The following HFM1 variants were observed in gnomAD, a reference collection of about 807,000 sequenced individuals.
HFM1 encodes the protein probable ATP-dependent DNA helicase HFM1.
A neutral mutation model predicts 192.1 loss-of-function variants in HFM1; 169 were observed. The ratio of observed to expected loss-of-function variants is 0.88; its 90% CI spans 0.78 to 1.00. HFM1 has a LOEUF of 1.00. Ranked by LOEUF, HFM1 falls within the 50% of genes least tolerant of loss-of-function variation. HFM1 has a pLI of 0.00. For synonymous variants in HFM1, 525 were observed against 537.8 expected, an observed-to-expected ratio of 0.98 and a Z score of 0.33; for missense variants, 1,661 against 1,668.0, an observed-to-expected ratio of 1.00 and a Z score of 0.07.
At chr1:91,282,067 TTAAG>T (rs1378446252) in intron 30 of HFM1, among the ~76,000 whole-genome samples, 13 of 152,240 alleles carry the variant, frequency 8.5e-5, no homozygotes, top group African/African-American at 2.2e-4. Context: ...CTAACTAGCA[TTAAG>T]TAAGACTTTT....
intron 5 of HFM1, 61 bp from the exon 6 acceptor site, chr1:91,385,295 A>G (rs919227445): frequency 4.0e-6 from 4 of 988,970 alleles, no homozygotes; most frequent in East Asian, 5.1e-5. Flanking sequence ...GTCAGAAGCT[A>G]GGACCTGAAA....
intron 6 of HFM1, among the ~76,000 whole-genome samples, chr1:91,383,725 T>A (rs1661830729): frequency 6.6e-6 from 1 of 152,186 alleles, no homozygotes; most frequent in African/African-American, 2.4e-5. Context: ...ATTGAGTCAC[T>A]AATTATATAT....
At chr1:91,377,169 T>C (rs1216125393) in intron 11 of HFM1, among the ~76,000 whole-genome samples, 1 of 151,906 alleles carries the variant, frequency 6.6e-6, no homozygotes, top group African/African-American at 2.4e-5. Context: ...GCTTCCTACA[T>C]GTGTAAAGAT....
rs531849231 is a variant in HFM1, at chr1:91,289,169, C to T, written c.3392-12107G>A. ...ATGGGGCAGCCAGTCAGAGACGCTC[C>T]TCACCTCCCAGACGGGGTGGTGGCG... On this transcript the variant is annotated intron_variant, in intron 30 of 38. Coordinates refer to ENST00000370425, the MANE Select transcript of HFM1 (RefSeq NM_001017975.6). 6.4e-4 allele frequency among the ~76,000 whole-genome samples: 96 copies of T among 151,074 alleles called. 1 individual carries two copies. The highest frequency in any genetic ancestry group is 2.3e-3 in the African/African-American group (95 of 41,016).
intron 30 of HFM1, among the ~76,000 whole-genome samples, chr1:91,291,415 T>C (rs1360023371): frequency 6.6e-6 from 1 of 152,136 alleles, no homozygotes; most frequent in East Asian, 1.9e-4. Context: ...CAGATAATAC[T>C]ACAAACACCT....
chr1:91,326,001 C>T (rs948826048), intron 20 of HFM1, among the ~76,000 whole-genome samples: 2 of 151,760 alleles, frequency 1.3e-5, no homozygotes, highest in African/African-American at 2.4e-5. Context: ...AACAGCAACA[C>T]TGATCAAGCA....
At chr1:91,300,073 T>C (rs1355797478) in intron 30 of HFM1, among the ~76,000 whole-genome samples, 2 of 151,866 alleles carry the variant, frequency 1.3e-5, no homozygotes, top group Non-Finnish European at 2.9e-5. Context: ...AAGAATCAAA[T>C]AGACACAATA....
chr1:91,292,004 C>T (rs1668821995), intron 30 of HFM1, among the ~76,000 whole-genome samples: 1 of 152,170 alleles, frequency 6.6e-6, no homozygotes, highest in South Asian at 2.1e-4. Context: ...TTCAACAACA[C>T]TTCATGCTAA....
At chr1:91,371,816 G>C (rs932329780) in intron 13 of HFM1, among the ~76,000 whole-genome samples, 15 of 152,132 alleles carry the variant, frequency 9.9e-5, no homozygotes, top group African/African-American at 3.4e-4. Context: ...CAGAATGGGA[G>C]AAAATTTTTG....
rs746208498 is a variant in HFM1, at chr1:91,319,406, A to G, written c.2583-16T>C. The G allele has an allele frequency of 2.0e-6, 3 of 1,510,764 alleles. No homozygotes were observed. Among genetic ancestry groups the G allele is most frequent in the Non-Finnish European group, 2.8e-6 (3 of 1,086,360 alleles). The allele number at this position is 1,510,764 out of a possible 1,614,324, so 93.6% of individuals were successfully genotyped here. ...CTGAATAAGACTGGGGGAAAGAAAA[A>G]AAATTGTTACTCCCTTTTAAGGGTT... On this transcript the variant is annotated splice_polypyrimidine_tract_variant and intron_variant, in intron 23 of 38. Transcript: ENST00000370425.
At chr1:91,263,151 T>C (rs945478023) in intron 36 of HFM1, among the ~76,000 whole-genome samples, 1 of 152,064 alleles carries the variant, frequency 6.6e-6, no homozygotes, top group Admixed American at 6.5e-5. Context: ...TAAAAACAAA[T>C]ATATAAATAA....
chr1:91,380,194 C>G lies in HFM1; in HGVS notation c.916G>C (p.Gly306Arg). The change falls in exon 8 of 39, where the codon GGT (glycine) becomes CGT (arginine). Residue 306 changes from glycine to arginine, a missense_variant. Gly to Arg is a moderately radical substitution (Grantham distance 125). Coordinates refer to ENST00000370425, the MANE Select transcript of HFM1 (RefSeq NM_001017975.6). ...DRNFVICAPT[G>R]SGKTVVFELA... The stretch of plus-strand genomic sequence containing the variant: ...TCAAACACTACAGTTTTTCCAGAAC[C>G]AGTTGGAGCACAAATCACAAAATTC... 3 of 1,577,494 alleles carry G rather than the reference C, an allele frequency of 1.9e-6. No individual in the cohort carries two copies. The highest frequency in any genetic ancestry group is 2.6e-6 in the Non-Finnish European group (3 of 1,156,560).
At chr1:91,264,359 GTA>G (rs1214182116) in intron 36 of HFM1, among the ~76,000 whole-genome samples, 2 of 54,042 alleles carry the variant, frequency 3.7e-5, no homozygotes, top group East Asian at 6.0e-4. Context: ...CACAAATTTA[GTA>G]TTTTTTTTTT....
At position 91,343,411 on chromosome 1, in the gene HFM1, G is replaced by A. The variant is rs774203388; in HGVS notation, c.2335+19C>T. 1.6e-5 allele frequency: 19 copies of A among 1,197,102 alleles called. No individual in the cohort carries two copies. In the Middle Eastern group the frequency reaches 9.5e-4, roughly 60 times the overall value. 74.2% of individuals were successfully genotyped at this position (1,197,102 alleles called of 1,614,324 possible). On this transcript the variant is annotated intron_variant, in intron 20 of 38. Transcript: ENST00000370425. ...TAAGTAAACAATTGCTAAATTTACTGACAATGATAAGAAATTACCAGTTGG... is the reference window on the plus strand; with the variant it reads ...TAAGTAAACAATTGCTAAATTTACTAACAATGATAAGAAATTACCAGTTGG...
chr1:91,314,908 T>A (rs1650979858), intron 28 of HFM1, among the ~76,000 whole-genome samples: 1 of 152,226 alleles, frequency 6.6e-6, no homozygotes, highest in African/African-American at 2.4e-5. Context: ...GATATCCTGG[T>A]CACTGCAGTC....
At chr1:91,381,993 T>C (rs964345344) in intron 6 of HFM1, among the ~76,000 whole-genome samples, 1 of 152,136 alleles carries the variant, frequency 6.6e-6, no homozygotes, top group East Asian at 1.9e-4. Flanking sequence ...TGCCACTCCC[T>C]CCCCGCATCA....
At chr1:91,393,371 A>C (rs1663240888) in intron 4 of HFM1, among the ~76,000 whole-genome samples, 1 of 152,128 alleles carries the variant, frequency 6.6e-6, no homozygotes, top group Non-Finnish European at 1.5e-5. Flanking sequence ...CACATACCCA[A>C]CTGAATATCT....
At chr1:91,373,135 C>T (rs775096685) in intron 13 of HFM1, among the ~76,000 whole-genome samples, 1 of 75,174 alleles carries the variant, frequency 1.3e-5, no homozygotes, top group African/African-American at 5.2e-5. Context: ...TATAGTCTAC[C>T]TTTTTAGTGG....
At chr1:91,391,425 C>G (rs1458248283) in intron 4 of HFM1, among the ~76,000 whole-genome samples, 18 of 152,172 alleles carry the variant, frequency 1.2e-4, no homozygotes, top group Non-Finnish European at 2.2e-4. Flanking sequence ...CAGAAAAGAA[C>G]AGAGCCCTCA....
Sources: allele counts gnomAD v4.1 joint callset (sites outside exome capture counted in the v4.1 genomes callset), GRCh38; gene constraint gnomAD v4.1.1; transcripts MANE v1.5; gene names NCBI Gene and HGNC (gene_info 2026-07-23, HGNC 2026-07-21).